PSMD9: variants seen among roughly 807,000 people sequenced by gnomAD.
PSMD9 encodes proteasome 26S subunit, non-ATPase 9, also known as 26S proteasome non-ATPase regulatory subunit 9.
Under a neutral mutation model 25.9 loss-of-function variants are expected in PSMD9, and 26 were observed. The observed-to-expected ratio is 1.00, with a 90% CI of 0.73 to 1.39. PSMD9 has a LOEUF of 1.39. Ranked by LOEUF, PSMD9 falls within the 40% of genes most tolerant of loss-of-function variation. The pLI, the probability that PSMD9 is intolerant of heterozygous loss-of-function variation, is 0.00. For missense variants in PSMD9, 303 were observed against 299.3 expected, an observed-to-expected ratio of 1.01 and a Z score of -0.09; for synonymous variants, 110 against 114.5, an observed-to-expected ratio of 0.96 and a Z score of 0.25.
chr12:121,913,243 C>CTTT (rs999526702), intron 4 of PSMD9, among the ~76,000 whole-genome samples: 3 of 149,992 alleles, frequency 2.0e-5, no homozygotes, highest in Non-Finnish European at 4.4e-5. Flanking sequence ...CGCGCCTGGC[C>CTTT]TTTTTTTTTG....
At chr12:121,903,307 A>G (rs1313329519) in intron 4 of PSMD9, among the ~76,000 whole-genome samples, 200 bp downstream of exon 4, 1 of 152,078 alleles carries the variant, frequency 6.6e-6, no homozygotes, top group Non-Finnish European at 1.5e-5. Context: ...CTGTGTCCTC[A>G]CATGGCAGAA....
In PSMD9 at chr12:121,903,017, G is replaced by A. The variant is rs1308281274; in HGVS notation, c.465G>A (p.Val155=). ...GSPASIAGLQ[V]DDEIVEFGSV... ...CCTTCCCTCTCCAGGGTCTGCAAGT[G>A]GATGATGAGATTGTGGAGTTCGGCT... The change falls in exon 4 of 6, where the codon GTG becomes GTA. Residue 155 remains valine (V), a synonymous_variant. Transcript: ENST00000541212. The A allele has an allele frequency of 2.5e-6, 4 of 1,613,914 alleles. No homozygotes were observed. Among genetic ancestry groups the A allele is most frequent in the Admixed American group, 1.7e-5 (1 of 59,984 alleles).
rs544878554 is a variant in PSMD9, at chr12:121,906,115, C to T, written c.555+3008C>T. 5.3e-5 allele frequency among the ~76,000 whole-genome samples: 8 copies of T among 152,280 alleles called. No individual in the cohort carries two copies. In the South Asian group the frequency reaches 1.7e-3, roughly 32 times the overall value. On this transcript the variant is annotated intron_variant, in intron 4 of 5. Coordinates refer to ENST00000541212, the MANE Select transcript of PSMD9 (RefSeq NM_002813.7). ...TTTATCCAGTTAAATGTATTCTCAGCTTCCGTGTAGGCTTATAAATCCTTC... is the reference window on the plus strand; with the variant it reads ...TTTATCCAGTTAAATGTATTCTCAGTTTCCGTGTAGGCTTATAAATCCTTC...
chr12:121,913,670 A>G (rs920494641), intron 4 of PSMD9, among the ~76,000 whole-genome samples: 2 of 150,840 alleles, frequency 1.3e-5, no homozygotes, highest in East Asian at 4.0e-4. Context: ...TAAAAAAAAT[A>G]TATGTTTTTT....
chr12:121,916,010 G>A, intron 5 of PSMD9, 66 bp downstream of exon 5: 1 of 1,506,362 alleles, frequency 6.6e-7, no homozygotes, highest in Non-Finnish European at 9.2e-7. Flanking sequence ...ACATGAAGCT[G>A]GAGGGGAAGG....
Position 121,903,077 on chromosome 12 carries a change from C to T in PSMD9, c.525C>T (p.Asn175=). 1 of 1,614,004 alleles carries T rather than the reference C, an allele frequency of 6.2e-7. No individual in the cohort carries two copies. Among genetic ancestry groups the T allele is most frequent in the South Asian group, 1.1e-5 (1 of 91,074 alleles). Residue 175 remains asparagine (N), a synonymous_variant, in exon 4 of 6, where the codon AAC becomes AAT. Transcript: ENST00000541212. Reference sequence around the variant, plus strand: ...CCCAGAACTTCCAGTCACTGCATAACATTGGCAGTGTGGTGCAGCACAGTG... The same window carrying T: ...CCCAGAACTTCCAGTCACTGCATAATATTGGCAGTGTGGTGCAGCACAGTG... ...VNTQNFQSLH[N]IGSVVQHSEG...
intron 1 of PSMD9, chr12:121,894,529 T>A (rs1328401235): frequency 1.9e-6 from 1 of 535,756 alleles, no homozygotes; most frequent in African/African-American, 1.9e-5. Context: ...ATGCATTACT[T>A]GCGTCGTTAA....
chr12:121,897,992 G>C (rs936637513), intron 2 of PSMD9: 1 of 152,164 alleles, frequency 6.6e-6, no homozygotes, highest in Non-Finnish European at 1.5e-5. Context: ...TGTGTATTGA[G>C]CACTTCCCTG....
chr12:121,900,751 T>C (rs1050607171), intron 3 of PSMD9, among the ~76,000 whole-genome samples: 27 of 150,812 alleles, frequency 1.8e-4, no homozygotes, highest in Admixed American at 1.7e-3. Flanking sequence ...TTTGGGAGGC[T>C]TAGGTGGGCG....
chr12:121,907,914 T>C (rs1879608815), intron 4 of PSMD9, among the ~76,000 whole-genome samples: 1 of 152,030 alleles, frequency 6.6e-6, no homozygotes, highest in Non-Finnish European at 1.5e-5. Flanking sequence ...CATAGTGGCA[T>C]GTGGCCAAGC....
At position 121,899,660 on chromosome 12, in the gene PSMD9, A is replaced by G; in HGVS notation, c.268A>G (p.Met90Val). The G allele has an allele frequency of 1.2e-6, 2 of 1,611,620 alleles. No homozygotes were observed. Among genetic ancestry groups the G allele is most frequent in the Non-Finnish European group, 1.7e-6 (2 of 1,178,992 alleles). Residue 90 changes from methionine to valine, a missense_variant, in exon 3 of 6, where the codon ATG becomes GTG. Coordinates refer to ENST00000541212, the MANE Select transcript of PSMD9 (RefSeq NM_002813.7). Reference protein sequence around the residue: ...ICLQNDHKAVMKQVEEALHQL... With the variant: ...ICLQNDHKAVVKQVEEALHQL... Reference sequence around the variant, plus strand: ...CCTGCAGAATGATCACAAGGCAGTGATGAAGCAGGTGGAGGAGGCCCTGCA... The same window carrying G: ...CCTGCAGAATGATCACAAGGCAGTGGTGAAGCAGGTGGAGGAGGCCCTGCA...
chr12:121,908,483 A>G (rs1270164186), intron 4 of PSMD9, among the ~76,000 whole-genome samples: 1 of 151,994 alleles, frequency 6.6e-6, no homozygotes, highest in African/African-American at 2.4e-5. Flanking sequence ...CTGGCCCCAA[A>G]ATAATTTTTT....
At chr12:121,889,141 A>C in intron 1 of PSMD9, 147 bp downstream of exon 1, 1 of 1,009,198 alleles carries the variant, frequency 9.9e-7, no homozygotes, top group Non-Finnish European at 1.4e-6. Context: ...CTCTGTCGGC[A>C]CAAGAAGGCA....
At chr12:121,904,160 C>T (rs1212084071) in intron 4 of PSMD9, among the ~76,000 whole-genome samples, 1 of 151,986 alleles carries the variant, frequency 6.6e-6, no homozygotes, top group African/African-American at 2.4e-5. Context: ...CTGATACTGT[C>T]ATCAAATCTG....
At chr12:121,894,557 C>T in intron 1 of PSMD9, 182 bp from the exon 2 acceptor site, 1 of 581,662 alleles carries the variant, frequency 1.7e-6, no homozygotes, top group Non-Finnish European at 3.1e-6. Flanking sequence ...AAATGAAAAA[C>T]ACAGTGCCCA....
At chr12:121,911,305 G>A (rs1879713161) in intron 4 of PSMD9, among the ~76,000 whole-genome samples, 1 of 152,182 alleles carries the variant, frequency 6.6e-6, no homozygotes, top group South Asian at 2.1e-4. Flanking sequence ...CTCCCAAAGT[G>A]CTGGGATTAC....
At chr12:121,905,737 G>A (rs549920781) in intron 4 of PSMD9, among the ~76,000 whole-genome samples, 1 of 151,398 alleles carries the variant, frequency 6.6e-6, no homozygotes, top group Admixed American at 6.6e-5. Flanking sequence ...TCAGCATGTT[G>A]GCCAGGCTGG....
At chr12:121,908,042 AATAAAATACATATTT>A (rs1203533826) in intron 4 of PSMD9, 1 of 152,192 alleles carries the variant, frequency 6.6e-6, no homozygotes, top group East Asian at 1.9e-4. Context: ...GTCTCAAATA[AATAAAATACATATTT>A]ATCCTTAAAA....
Position 121,916,678 on chromosome 12 carries a change from C to A in PSMD9, c.*367C>A, listed in dbSNP as rs1879914271. The A allele has an allele frequency of 4.5e-6, 1 of 221,778 alleles. No individual in the cohort carries two copies. Among genetic ancestry groups the A allele is most frequent in the African/African-American group, 2.3e-5 (1 of 44,342 alleles). 13.7% of individuals were successfully genotyped at this position (221,778 alleles called of 1,614,324 possible). A position where few individuals can be genotyped will look rare whatever the true frequency, so the allele number is the denominator to read the frequency against. ...TCACCCCAGCTGAATTTCTTATGAC[C>A]CTCCCAAACCAAAGCTCAGATGGGG... On this transcript the variant is annotated 3_prime_UTR_variant, in exon 6 of 6. Coordinates refer to ENST00000541212, the MANE Select transcript of PSMD9 (RefSeq NM_002813.7).
Sources: gnomAD v4.1 joint callset for allele counts (sites outside exome capture counted in the v4.1 genomes callset) on GRCh38, gnomAD v4.1.1 for gene constraint, MANE v1.5 for transcripts, NCBI Gene and HGNC (gene_info 2026-07-23, HGNC 2026-07-21) for gene names.